SPTAN1: variants seen among roughly 807,000 people sequenced by gnomAD.
SPTAN1 encodes spectrin alpha chain, non-erythrocytic 1.
In SPTAN1, 61 loss-of-function variants were observed where a neutral mutation model predicts 331.3. The observed-to-expected ratio is 0.18, with a 90% CI of 0.15 to 0.23. The LOEUF (loss-of-function observed/expected upper bound fraction) is 0.23, where lower values mean the gene tolerates loss of function less well. Ranked by LOEUF, SPTAN1 falls within the 10% of genes least tolerant of loss-of-function variation. The pLI is 1.00. For missense variants in SPTAN1, 2,043 were observed against 3,147.9 expected (o/e 0.65, Z 8.40); for synonymous variants, 1,153 against 1,173.9 (o/e 0.98, Z 0.36).
Position 128,633,290 on chromosome 9 carries a change from G to A in SPTAN1, c.7390G>A (p.Ala2464Thr), listed in dbSNP as rs544843583. The A allele has an allele frequency of 5.1e-5, 82 of 1,613,982 alleles. No individual in the cohort carries two copies. The highest frequency in any genetic ancestry group is 8.0e-5 in the African/African-American group (6 of 75,048). ...VDGKGRELPT[A>T]FDYVEFTRSL... The stretch of plus-strand genomic sequence containing the variant: ...CGGCAAGGGCCGCGAGCTCCCCACC[G>A]CGTTCGACTACGTGGAGTTCACCCG... Residue 2464 changes from alanine to threonine, a missense_variant, in exon 57 of 57, where the codon GCG becomes ACG. This residue lies in a region of SPTAN1 where 88 missense variants were observed against 96.5 expected (regional missense o/e 0.91). Coordinates refer to ENST00000372739, the MANE Select transcript of SPTAN1 (RefSeq NM_001130438.3).
At chr9:128,564,988 A>G (rs1482018864) in intron 1 of SPTAN1, among the ~76,000 whole-genome samples, 1 of 152,148 alleles carries the variant, frequency 6.6e-6, no homozygotes, top group Non-Finnish European at 1.5e-5. Context: ...CCTGCTCAAG[A>G]GGTGGGTTCT....
At chr9:128,624,612 C>G in intron 46 of SPTAN1, 125 bp downstream of exon 46, 1 of 1,217,032 alleles carries the variant, frequency 8.2e-7, no homozygotes, top group Non-Finnish European at 1.2e-6. Context: ...GAACCTACTA[C>G]CAGGGCAGAC....
In SPTAN1 at chr9:128,566,795, C is replaced by A. The variant is rs748232676; in HGVS notation, c.55C>A (p.Arg19=). Residue 19 remains arginine, a synonymous_variant, in exon 2 of 57, where the codon CGG becomes AGG. Coordinates refer to ENST00000372739, the MANE Select transcript of SPTAN1 (RefSeq NM_001130438.3). ...LETAEDIQER[R]QQVLDRYHRF... ...AACAGCAGAGGACATCCAGGAGAGG[C>A]GGCAGCAGGTCCTAGACCGATACCA... The A allele has an allele frequency of 1.9e-6, 3 of 1,614,190 alleles. No homozygotes were observed. In the Admixed American group the frequency reaches 5.0e-5, roughly 27 times the overall value.
chr9:128,577,314 A>G lies in SPTAN1; in HGVS notation c.931-38A>G. On this transcript the variant is annotated intron_variant, in intron 7 of 56. Transcript: ENST00000372739. This position sits in a 1 kb window ranked among gnomAD's most constrained non-coding sequence, Gnocchi z 4.2. Reference sequence around the variant, plus strand: ...AGCTGATTCTGTAAATAAGTTACCAAGGGTCAGGAGAATAGTTCTGACGGA... The same window carrying G: ...AGCTGATTCTGTAAATAAGTTACCAGGGGTCAGGAGAATAGTTCTGACGGA... 6.2e-7 allele frequency: 1 copy of G among 1,614,212 alleles called. No individual in the cohort carries two copies. Among genetic ancestry groups the G allele is most frequent in the South Asian group, 1.1e-5 (1 of 91,084 alleles).
chr9:128,581,485 A>C lies in SPTAN1; in HGVS notation c.1462-297A>C, dbSNP rs12002404. ...GAGATCCTGTCTCACAAAAAAAAAA[A>C]AAACAAACAAAAAAAACAAACCTTA... On this transcript the variant is annotated intron_variant, in intron 11 of 56. Coordinates refer to ENST00000372739, the MANE Select transcript of SPTAN1 (RefSeq NM_001130438.3). Among the ~76,000 whole-genome samples the C allele has an allele frequency of 6.0e-3, 916 of 151,468 alleles. 14 individuals are homozygous for C. The highest frequency in any genetic ancestry group is 0.021 in the African/African-American group (849 of 41,214).
chr9:128,556,022 C>T (rs993182208), intron 1 of SPTAN1, among the ~76,000 whole-genome samples: 4 of 151,918 alleles, frequency 2.6e-5, no homozygotes, highest in African/African-American at 9.7e-5. Flanking sequence ...GAGTTCAAGA[C>T]CAGCCTGGCC....
At chr9:128,587,850 T>C in intron 20 of SPTAN1, 152 bp downstream of exon 20, 1 of 677,886 alleles carries the variant, frequency 1.5e-6, no homozygotes, top group South Asian at 1.7e-5. Context: ...TTTATTTATT[T>C]ATTTATTTAT....
intron 48 of SPTAN1, 173 bp from the exon 49 acceptor site, chr9:128,626,218 A>G: frequency 1.0e-6 from 1 of 990,062 alleles, no homozygotes; most frequent in Non-Finnish European, 1.6e-6. Context: ...AAGGGGAAAA[A>G]AGGCTGGTGA....
chr9:128,623,354 G>A (rs1263601510), intron 45 of SPTAN1, among the ~76,000 whole-genome samples: 2 of 151,824 alleles, frequency 1.3e-5, no homozygotes, highest in African/African-American at 4.8e-5. Flanking sequence ...GTGAGCCACT[G>A]CACCCAGCCC....
At chr9:128,604,864 C>T (rs1589295019) in intron 29 of SPTAN1, among the ~76,000 whole-genome samples, 170 bp from the exon 30 acceptor site, 3 of 152,026 alleles carry the variant, frequency 2.0e-5, no homozygotes, top group Admixed American at 6.6e-5. Flanking sequence ...CCGGTGGGGG[C>T]GGAGGTTGCA....
intron 31 of SPTAN1, among the ~76,000 whole-genome samples, chr9:128,607,296 G>A (rs1856019167): frequency 6.6e-6 from 1 of 151,960 alleles, no homozygotes; most frequent in South Asian, 2.1e-4. Flanking sequence ...GAGCCACCAC[G>A]CCTGGCCAAC....
At chr9:128,613,932 G>T (rs1472327973) in intron 40 of SPTAN1, among the ~76,000 whole-genome samples, 3 of 151,922 alleles carry the variant, frequency 2.0e-5, no homozygotes, top group Non-Finnish European at 4.4e-5. Context: ...TTGAGCCCAG[G>T]AGGCGGAGGT....
At chr9:128,616,086 A>G (rs1857131761) in intron 41 of SPTAN1, among the ~76,000 whole-genome samples, 1 of 152,102 alleles carries the variant, frequency 6.6e-6, no homozygotes, top group Non-Finnish European at 1.5e-5. Flanking sequence ...GATTCCCGTG[A>G]AAGTTAGTGA....
In SPTAN1 at chr9:128,577,055, C is replaced by T. The variant is rs1851389752; in HGVS notation, c.786-74C>T. ...GGTGAGCTGTCGAGGCTGACTAGGC[C>T]TTGGTCCCATGGGGTGTTCCTAGTT... On this transcript the variant is annotated intron_variant, in intron 6 of 56. Coordinates refer to ENST00000372739, the MANE Select transcript of SPTAN1 (RefSeq NM_001130438.3). This position sits in a 1 kb window ranked among gnomAD's most constrained non-coding sequence, Gnocchi z 4.2. The T allele has an allele frequency of 6.2e-7, 1 of 1,613,766 alleles. No homozygotes were observed. Among genetic ancestry groups the T allele is most frequent in the African/African-American group, 1.3e-5 (1 of 74,908 alleles).
At position 128,584,016 on chromosome 9, in the gene SPTAN1, A is replaced by G. The variant is rs367760545; in HGVS notation, c.2193+47A>G. On this transcript the variant is annotated intron_variant, in intron 16 of 56. Transcript: ENST00000372739. ...GGTTGGGCAAGTGAATGCAGAAACTATAGGAGGGAGGAAAAGCCAGTAATT... is the reference window on the plus strand; with the variant it reads ...GGTTGGGCAAGTGAATGCAGAAACTGTAGGAGGGAGGAAAAGCCAGTAATT... 328 of 1,611,072 alleles carry G rather than the reference A, an allele frequency of 2.0e-4. 5 individuals are homozygous for G. The South Asian group carries it at 2.6e-3, about 13-fold the overall frequency.
intron 39 of SPTAN1, among the ~76,000 whole-genome samples, chr9:128,612,719 A>G (rs1856705251): frequency 2.0e-5 from 3 of 152,178 alleles, no homozygotes; most frequent in African/African-American, 7.2e-5. Context: ...TGAGGTCAGG[A>G]GTTCGAGACC....
chr9:128,624,711 C>T lies in SPTAN1; in HGVS notation c.5992+224C>T, dbSNP rs376940683. 683 of 597,884 alleles carry T rather than the reference C, an allele frequency of 1.1e-3. 1 individual carries two copies. The highest frequency in any genetic ancestry group is 0.011 in the African/African-American group (595 of 53,894). 37.0% of individuals were successfully genotyped at this position (597,884 alleles called of 1,614,324 possible). On this transcript the variant is annotated intron_variant, in intron 46 of 56. Transcript: ENST00000372739. ...GGCACCAGGGTCAATAAACAAAAGC[C>T]TGTAAACGCTGCTGCACGCAGAGAT...
At chr9:128,562,962 C>T (rs1849550479) in intron 1 of SPTAN1, among the ~76,000 whole-genome samples, 1 of 128,968 alleles carries the variant, frequency 7.8e-6, no homozygotes, top group East Asian at 2.2e-4. Context: ...GAGACTCCGT[C>T]TAAAAAAAAA....
Position 128,568,795 on chromosome 9 carries a change from A to G in SPTAN1, c.261A>G (p.Ala87=), listed in dbSNP as rs756431715. 1.2e-6 allele frequency: 2 copies of G among 1,614,164 alleles called. No individual in the cohort carries two copies. Among genetic ancestry groups the G allele is most frequent in the South Asian group, 1.1e-5 (1 of 91,084 alleles). ...NLQGKLQKHQ[A]FEAEVQANSG... ...AGGGAAAGCTTCAGAAGCATCAAGC[A>G]TTTGAAGCTGAAGTGCAGGCCAACT... is the stretch of plus-strand genomic sequence containing the variant. The change falls in exon 3 of 57, where the codon GCA becomes GCG. Residue 87 remains alanine (A), a synonymous_variant. Coordinates refer to ENST00000372739, the MANE Select transcript of SPTAN1 (RefSeq NM_001130438.3).
Sources: allele counts gnomAD v4.1 joint callset (sites outside exome capture counted in the v4.1 genomes callset), GRCh38; gene constraint gnomAD v4.1.1; regional missense constraint gnomAD v4.1.1; non-coding constraint Gnocchi (gnomAD v3.1); transcripts MANE v1.5; gene names NCBI Gene and HGNC (gene_info 2026-07-23, HGNC 2026-07-21).